Variants in ZNF300 observed in about 807,000 individuals in gnomAD.
ZNF300 encodes the protein kruppel-like zinc finger protein.
ZNF300 carries 6 observed loss-of-function variants against 13.9 expected under a neutral mutation model. The observed-to-expected ratio is 0.43, with a 90% confidence interval of 0.24 to 0.85. The LOEUF is 0.85. Ranked by LOEUF, ZNF300 falls within the 40% of genes least tolerant of loss-of-function variation. The pLI, the probability that ZNF300 is intolerant of heterozygous loss-of-function variation, is 0.25. For synonymous variants in ZNF300, 237 were observed against 242.2 expected (o/e 0.98, Z 0.20); for missense variants, 662 against 714.2 (o/e 0.93, Z 0.83).
rs1754745469 is a variant in ZNF300 at position 150,895,834 on chromosome 5, C to T, written c.1405G>A (p.Glu469Lys). The T allele has an allele frequency of 6.2e-6, 10 of 1,613,504 alleles. No homozygotes were observed. The highest frequency in any genetic ancestry group is 8.5e-6 in the Non-Finnish European group (10 of 1,179,846). Residue 469 changes from glutamate to lysine, a missense_variant, in exon 6 of 6, where the codon GAA becomes AAA. By Grantham distance (56) the Glu-to-Lys change is moderately conservative. Coordinates refer to ENST00000274599, the MANE Select transcript of ZNF300 (RefSeq NM_052860.4). ...TTGCGGGAGAATGTCTTTCCACATT[C>T]AGTACATTCATAAGGTTTTTCCCCA... is the stretch of plus-strand genomic sequence containing the variant. ...HTGEKPYECT[E>K]CGKTFSRKSQ...
intron 1 of ZNF300, 75 bp from the exon 2 acceptor site, chr5:150,904,052 A>G (rs1378710952): frequency 2.0e-5 from 3 of 152,252 alleles, no homozygotes; most frequent in Non-Finnish European, 2.9e-5. Context: ...TCTCTTGAAT[A>G]AAATATAAAA....
intron 3 of ZNF300, among the ~76,000 whole-genome samples, chr5:150,901,505 A>G (rs1414112317): frequency 6.6e-6 from 1 of 152,074 alleles, no homozygotes. Context: ...GCTCTAAAAC[A>G]AAGCTACTGA....
At chr5:150,904,356 G>T (rs1755077752) in intron 1 of ZNF300, among the ~76,000 whole-genome samples, 1 of 151,588 alleles carries the variant, frequency 6.6e-6, no homozygotes, top group Non-Finnish European at 1.5e-5. Context: ...CTAAATCTCG[G>T]AATTCTCAGG....
intron 3 of ZNF300, among the ~76,000 whole-genome samples, chr5:150,901,799 A>T (rs549654322): frequency 3.3e-5 from 5 of 152,246 alleles, no homozygotes; most frequent in African/African-American, 1.2e-4. Context: ...CCAGGCCACA[A>T]GGAAATATTA....
chr5:150,897,036 T>C, intron 5 of ZNF300, 63 bp from the exon 6 acceptor site: 2 of 1,305,920 alleles, frequency 1.5e-6, no homozygotes, highest in Non-Finnish European at 2.1e-6. Context: ...GGTAAAGAAG[T>C]AGAACAAATG....
In ZNF300 at chr5:150,895,982, A is replaced by C; in HGVS notation, c.1257T>G (p.Cys419Trp). The change falls in exon 6 of 6, where the codon TGT becomes TGG. Residue 419 changes from cysteine to tryptophan, a missense_variant. Cys to Trp is a radical substitution (Grantham distance 215, BLOSUM62 -2). Coordinates refer to ENST00000274599, the MANE Select transcript of ZNF300 (RefSeq NM_052860.4). ...TATGTATAATGAGGTGGGACTTCTC[A>C]CAGAAGGCTTTCCCACATTCGGTAC... ...YECTECGKAF[C>W]EKSHLIIHKR... The C allele has an allele frequency of 2.5e-6, 4 of 1,613,448 alleles. No individual in the cohort carries two copies. The highest frequency in any genetic ancestry group is 3.4e-6 in the Non-Finnish European group (4 of 1,179,732).
Position 150,895,703 on chromosome 5 carries a change from C to T in ZNF300, c.1536G>A (p.Gln512=). ...AAGGTTTTTCTCCTGTGTGAATTCT[C>T]TGATGTCCAATGAGATGTGACTTCT... is the stretch of plus-strand genomic sequence containing the variant. ...FCQKSHLIGH[Q]RIHTGEKPYI... is the part of the protein sequence containing the mutation. The change falls in exon 6 of 6, where the codon CAG becomes CAA. Residue 512 remains glutamine, a synonymous_variant. Transcript: ENST00000274599. The T allele has an allele frequency of 6.2e-7, 1 of 1,613,502 alleles. No individual in the cohort carries two copies. The highest frequency in any genetic ancestry group is 8.5e-7 in the Non-Finnish European group (1 of 1,179,798).
At chr5:150,900,611 G>A (rs920780735) in intron 3 of ZNF300, 22 of 151,912 alleles carry the variant, frequency 1.4e-4, no homozygotes, top group East Asian at 1.3e-3. Flanking sequence ...AAAACTATAC[G>A]TAAATCTGCT....
chr5:150,895,235 A>G lies in ZNF300; in HGVS notation c.*189T>C. On this transcript the variant is annotated 3_prime_UTR_variant, in exon 6 of 6. Transcript: ENST00000274599. ...TAAAAGCTTTACATGCCATATTAAA[A>G]ATGTTCTTCATTTATATAACTATTT... 2.0e-6 allele frequency: 1 copy of G among 502,448 alleles called. No individual in the cohort carries two copies. Among genetic ancestry groups the G allele is most frequent in the Non-Finnish European group, 3.5e-6 (1 of 287,300 alleles). The allele number at this position is 502,448 out of a possible 1,614,324, so 31.1% of individuals were successfully genotyped here.
In ZNF300 at chr5:150,895,252, T is replaced by TAACTA; in HGVS notation, c.*167_*171dup. On this transcript the variant is annotated 3_prime_UTR_variant, in exon 6 of 6. Coordinates refer to ENST00000274599, the MANE Select transcript of ZNF300 (RefSeq NM_052860.4). ...ATATTAAAAATGTTCTTCATTTATA[T>TAACTA]AACTATTTTCCATCATCTTTGCTGG... is the stretch of plus-strand genomic sequence containing the variant. 1 of 519,402 alleles carries TAACTA rather than the reference T, an allele frequency of 1.9e-6. No homozygotes were observed. Among genetic ancestry groups the TAACTA allele is most frequent in the East Asian group, 3.0e-5 (1 of 33,660 alleles). 32.2% of individuals were successfully genotyped at this position (519,402 alleles called of 1,614,324 possible).
chr5:150,899,353 T>G (rs1754912638), intron 3 of ZNF300, among the ~76,000 whole-genome samples: 1 of 152,006 alleles, frequency 6.6e-6, no homozygotes, highest in African/African-American at 2.4e-5. Context: ...AGTAACAAAA[T>G]AAGACACAGG....
intron 3 of ZNF300, among the ~76,000 whole-genome samples, chr5:150,902,486 GT>G (rs1755024617): frequency 6.6e-6 from 1 of 152,146 alleles, no homozygotes; most frequent in South Asian, 2.1e-4. Flanking sequence ...AACTTTTTCA[GT>G]AAAGTTTACA....
chr5:150,898,362 A>G, intron 4 of ZNF300, 66 bp downstream of exon 4: 1 of 1,611,954 alleles, frequency 6.2e-7, no homozygotes, highest in Non-Finnish European at 8.5e-7. Context: ...CAATCTAATC[A>G]CAGCAACTAG....
chr5:150,902,718 A>G (rs1292246611), intron 3 of ZNF300, among the ~76,000 whole-genome samples: 1 of 152,202 alleles, frequency 6.6e-6, no homozygotes, highest in African/African-American at 2.4e-5. Flanking sequence ...ATTATGATAC[A>G]TCCCCTCTAA....
At chr5:150,898,934 T>C (rs1286221364) in intron 3 of ZNF300, among the ~76,000 whole-genome samples, 1 of 152,008 alleles carries the variant, frequency 6.6e-6, no homozygotes, top group East Asian at 1.9e-4. Context: ...TACCTCAAAA[T>C]GTGATATGAC....
At chr5:150,904,154 G>A (rs111894021) in intron 1 of ZNF300, among the ~76,000 whole-genome samples, 177 bp from the exon 2 acceptor site, 1 of 152,104 alleles carries the variant, frequency 6.6e-6, no homozygotes, top group Non-Finnish European at 1.5e-5. Context: ...GTTTTAAAAT[G>A]ACCATTTGAT....
At chr5:150,897,549 T>G (rs17800777) in intron 5 of ZNF300, 6,864 of 156,226 alleles carry the variant, frequency 0.044, 200 homozygotes, top group East Asian at 0.16. Context: ...CCAGAAAAGC[T>G]GTATCTTCCT....
chr5:150,898,259 C>A, intron 4 of ZNF300, 75 bp from the exon 5 acceptor site: 1 of 1,599,842 alleles, frequency 6.3e-7, no homozygotes, highest in Non-Finnish European at 8.5e-7. Flanking sequence ...TTCAGATGGT[C>A]TACAATAAAG....
chr5:150,896,303 A>G lies in ZNF300; in HGVS notation c.936T>C (p.Leu312=). 6.2e-7 allele frequency: 1 copy of G among 1,613,678 alleles called. No individual in the cohort carries two copies. Among genetic ancestry groups the G allele is most frequent in the Non-Finnish European group, 8.5e-7 (1 of 1,179,816 alleles). Residue 312 remains leucine, a synonymous_variant, in exon 6 of 6, where the codon CTT becomes CTC. Coordinates refer to ENST00000274599, the MANE Select transcript of ZNF300 (RefSeq NM_052860.4). ...CGKAFSEKFH[L]VVHQRTHTGE... ...CAGTATGAGTTCTCTGATGTACAAC[A>G]AGATGAAACTTCTCACTGAAGGCTT... is the stretch of plus-strand genomic sequence containing the variant.
Sources: gnomAD v4.1 joint callset for allele counts (sites outside exome capture counted in the v4.1 genomes callset) on GRCh38, gnomAD v4.1.1 for gene constraint, MANE v1.5 for transcripts, NCBI Gene and HGNC (gene_info 2026-07-23, HGNC 2026-07-21) for gene names.